The following KCND2 variants were observed in gnomAD, a reference collection of about 807,000 sequenced individuals.
The protein encoded by KCND2 is A-type voltage-gated potassium channel KCND2.
In KCND2, 16 loss-of-function variants were observed where a neutral mutation model predicts 54.4. That is an observed-to-expected ratio of 0.29 (90% confidence interval 0.20 to 0.45). The LOEUF is 0.45. Ranked by LOEUF, KCND2 falls within the 20% of genes least tolerant of loss-of-function variation. The pLI is 1.00. For synonymous variants in KCND2, 317 were observed against 310.7 expected, an observed-to-expected ratio of 1.02 and a Z score of -0.21; for missense variants, 486 against 824.2, an observed-to-expected ratio of 0.59 and a Z score of 5.02.
intron 1 of KCND2, among the ~76,000 whole-genome samples, chr7:120,616,442 GA>G (rs1793025940): frequency 6.6e-6 from 1 of 152,114 alleles, no homozygotes; most frequent in South Asian, 2.1e-4. Context: ...GGAATGTCAT[GA>G]AACCATTTAA....
chr7:120,348,678 G>C (rs1436223349), intron 1 of KCND2, among the ~76,000 whole-genome samples: 1 of 152,132 alleles, frequency 6.6e-6, no homozygotes, highest in African/African-American at 2.4e-5. Context: ...TCATCAAAAG[G>C]AAAGCTATGA....
In KCND2 at chr7:120,332,045, C is replaced by T. The variant is rs973886736; in HGVS notation, c.1115+56298C>T. Among the ~76,000 whole-genome samples, 7 of 151,994 alleles carry T rather than the reference C, an allele frequency of 4.6e-5. No homozygotes were observed. In the South Asian group the frequency reaches 6.2e-4, roughly 13 times the overall value. ...AGCCTTCTTCTACATTTTCCTCTTC[C>T]CTAGACTTTCGGTTGGCTTTAAAAA... On this transcript the variant is annotated intron_variant, in intron 1 of 5. Transcript: ENST00000331113.
At chr7:120,560,167 A>C (rs1792215962) in intron 1 of KCND2, among the ~76,000 whole-genome samples, 1 of 152,338 alleles carries the variant, frequency 6.6e-6, no homozygotes, top group Non-Finnish European at 1.5e-5. Flanking sequence ...CTCATAAGTA[A>C]TTCAACATTG....
intron 1 of KCND2, among the ~76,000 whole-genome samples, chr7:120,582,972 G>GTGTGTA (rs1554371790): frequency 1.3e-5 from 2 of 151,700 alleles, no homozygotes; most frequent in Non-Finnish European, 2.9e-5. Flanking sequence ...GTGTGTGTGT[G>GTGTGTA]TGTGTGTATG....
chr7:120,415,555 C>T (rs1801513099), intron 1 of KCND2, among the ~76,000 whole-genome samples: 1 of 152,138 alleles, frequency 6.6e-6, no homozygotes, highest in Non-Finnish European at 1.5e-5. Flanking sequence ...CCTCTCTGCA[C>T]CCATTTTAAC....
intron 1 of KCND2, among the ~76,000 whole-genome samples, chr7:120,660,875 G>C (rs1791857472): frequency 6.6e-6 from 1 of 152,186 alleles, no homozygotes; most frequent in African/African-American, 2.4e-5. Context: ...ATGGGTAAGA[G>C]AAAGAGTGTT....
At chr7:120,443,666 T>G (rs772873398) in intron 1 of KCND2, among the ~76,000 whole-genome samples, 5 of 151,496 alleles carry the variant, frequency 3.3e-5, no homozygotes, top group Non-Finnish European at 7.4e-5. Context: ...GACTTCTCAT[T>G]TCCTACAGTT....
chr7:120,659,713 C>A (rs575533178), intron 1 of KCND2, among the ~76,000 whole-genome samples: 3 of 152,276 alleles, frequency 2.0e-5, no homozygotes, highest in African/African-American at 7.2e-5. Context: ...ATACATGGGA[C>A]ATTGGTTCCA....
chr7:120,450,774 T>G (rs537955569), intron 1 of KCND2, among the ~76,000 whole-genome samples: 1 of 152,272 alleles, frequency 6.6e-6, no homozygotes, highest in African/African-American at 2.4e-5. Context: ...TGTCTCATAT[T>G]TCCATAAAGA....
chr7:120,511,961 CT>C (rs1235035723), intron 1 of KCND2, among the ~76,000 whole-genome samples: 2 of 152,090 alleles, frequency 1.3e-5, no homozygotes, highest in Non-Finnish European at 1.5e-5. Context: ...GTTATGCTTC[CT>C]TTTCATTCAG....
intron 1 of KCND2, among the ~76,000 whole-genome samples, chr7:120,334,005 A>G (rs189987294): frequency 6.6e-6 from 1 of 152,184 alleles, no homozygotes; most frequent in Non-Finnish European, 1.5e-5. Context: ...TTTGTATGCT[A>G]TAGTATAAAG....
In KCND2 at chr7:120,411,262, C is replaced by CT. The variant is rs1368492770; in HGVS notation, c.1115+135517dup. 7.2e-5 allele frequency among the ~76,000 whole-genome samples: 11 copies of CT among 151,792 alleles called. No individual in the cohort carries two copies. In the East Asian group the frequency reaches 2.1e-3, roughly 29 times the overall value. On this transcript the variant is annotated intron_variant, in intron 1 of 5. Coordinates refer to ENST00000331113, the MANE Select transcript of KCND2 (RefSeq NM_012281.3). The stretch of plus-strand genomic sequence containing the variant: ...TTTAAATTTTCAGTTGTCCACTATC[C>CT]TTAAAGATCATTTATATAGACCCCA...
chr7:120,679,149 A>G (rs1277229894), intron 1 of KCND2, among the ~76,000 whole-genome samples: 3 of 151,868 alleles, frequency 2.0e-5, no homozygotes, highest in Non-Finnish European at 2.9e-5. Context: ...TGTCCCATAA[A>G]GATTCTTGAG....
At chr7:120,670,390 A>T (rs1791976955) in intron 1 of KCND2, among the ~76,000 whole-genome samples, 1 of 152,032 alleles carries the variant, frequency 6.6e-6, no homozygotes, top group Admixed American at 6.5e-5. Context: ...ATGATCATTC[A>T]TTGGATAGTG....
intron 1 of KCND2, among the ~76,000 whole-genome samples, chr7:120,292,381 A>G (rs1284923814): frequency 1.3e-5 from 2 of 152,038 alleles, no homozygotes; most frequent in Non-Finnish European, 2.9e-5. Context: ...GTGGCAAGTC[A>G]TTATATTCTA....
chr7:120,381,947 C>T (rs565771896), intron 1 of KCND2, among the ~76,000 whole-genome samples: 19 of 150,666 alleles, frequency 1.3e-4, no homozygotes, highest in South Asian at 2.1e-4. Flanking sequence ...AAGTCAAATC[C>T]GTCATTTTTG....
intron 1 of KCND2, among the ~76,000 whole-genome samples, chr7:120,447,348 C>G (rs1451794824): frequency 6.7e-6 from 1 of 149,122 alleles, no homozygotes; most frequent in East Asian, 1.9e-4. Flanking sequence ...CATTTTGTAC[C>G]CTGGTGAAAA....
At chr7:120,435,920 G>T (rs1279281311) in intron 1 of KCND2, among the ~76,000 whole-genome samples, 1 of 152,142 alleles carries the variant, frequency 6.6e-6, no homozygotes, top group Admixed American at 6.6e-5. Flanking sequence ...TTAGATCCCA[G>T]AATTTAGAAT....
intron 1 of KCND2, among the ~76,000 whole-genome samples, chr7:120,678,332 G>A (rs1186292437): frequency 8.2e-6 from 1 of 121,560 alleles, no homozygotes; most frequent in Non-Finnish European, 1.6e-5. Flanking sequence ...TTCTACCGTA[G>A]GTATGATTAT....
Sources: gnomAD v4.1 joint callset for allele counts (sites outside exome capture counted in the v4.1 genomes callset) on GRCh38, gnomAD v4.1.1 for gene constraint, MANE v1.5 for transcripts, NCBI Gene and HGNC (gene_info 2026-07-23, HGNC 2026-07-21) for gene names.